The following CSMD1 variants were observed in gnomAD, a reference collection of about 807,000 sequenced individuals.
The protein encoded by CSMD1 is CUB and Sushi multiple domains 1.
Under a neutral mutation model 417.5 loss-of-function variants are expected in CSMD1, and 213 were observed. The ratio of observed to expected loss-of-function variants is 0.51; its 90% CI spans 0.46 to 0.57. The LOEUF is 0.57. CSMD1 is among the 20% of genes least tolerant of loss of function. The probability of loss-of-function intolerance (pLI) is 0.00; values close to 1 mark genes in which losing one functional copy is unlikely to be tolerated. For missense variants in CSMD1, 6,923 were observed against 4,529.7 expected (o/e 1.53, Z -15.17); for synonymous variants, 2,862 against 1,736.8 (o/e 1.65, Z -16.11).
At chr8:3,781,906 G>A (rs41388248) in intron 5 of CSMD1, among the ~76,000 whole-genome samples, 3,323 of 151,712 alleles carry the variant, frequency 0.022, 167 homozygotes, top group East Asian at 0.14. Context: ...TCTAATTTTG[G>A]TAGACCCATT....
intron 23 of CSMD1, among the ~76,000 whole-genome samples, chr8:3,312,779 G>C (rs1002588908): frequency 3.4e-5 from 5 of 148,418 alleles, no homozygotes; most frequent in Non-Finnish European, 7.4e-5. Flanking sequence ...GCCATAGCAT[G>C]TCAGCATCTC....
intron 3 of CSMD1, among the ~76,000 whole-genome samples, chr8:4,314,355 A>G (rs1218001360): frequency 6.6e-6 from 1 of 152,212 alleles, no homozygotes; most frequent in Non-Finnish European, 1.5e-5. Flanking sequence ...CTGCCATAGA[A>G]CATTTCCTAC....
intron 41 of CSMD1, among the ~76,000 whole-genome samples, chr8:3,122,813 A>AG (rs1207894451): frequency 6.6e-6 from 1 of 152,154 alleles, no homozygotes; most frequent in Non-Finnish European, 1.5e-5. Context: ...AGTCTTGGGT[A>AG]GGTCTTTATC....
intron 39 of CSMD1, among the ~76,000 whole-genome samples, chr8:3,155,359 A>ATTGTTTTTTTTTTTTTTTTTTTT (rs1819453576): frequency 2.3e-5 from 1 of 43,316 alleles, no homozygotes; most frequent in African/African-American, 7.0e-5. Flanking sequence ...CAAGGCTGGG[A>ATTGTTTTTTTTTTTTTTTTTTTT]TTTTTTTTTT....
intron 10 of CSMD1, among the ~76,000 whole-genome samples, chr8:3,560,457 G>C (rs890506370): frequency 7.2e-5 from 11 of 152,144 alleles, no homozygotes; most frequent in Admixed American, 7.2e-4. Context: ...TCCCAGGTCT[G>C]TGAACTCCAG....
At chr8:3,643,820 G>A (rs926213044) in intron 7 of CSMD1, among the ~76,000 whole-genome samples, 4 of 151,966 alleles carry the variant, frequency 2.6e-5, no homozygotes, top group Non-Finnish European at 4.4e-5. Flanking sequence ...CAAACCACAG[G>A]GTTAAGTTAA....
chr8:4,252,027 G>A (rs1013188042), intron 3 of CSMD1, among the ~76,000 whole-genome samples: 1 of 152,084 alleles, frequency 6.6e-6, no homozygotes, highest in African/African-American at 2.4e-5. Context: ...TTTGAGTTGT[G>A]TTTACTTGAA....
intron 1 of CSMD1, among the ~76,000 whole-genome samples, chr8:4,781,230 G>A (rs942676807): frequency 6.6e-6 from 1 of 152,172 alleles, no homozygotes; most frequent in Non-Finnish European, 1.5e-5. Flanking sequence ...ATGTGGTGAG[G>A]CACAATGGCT....
chr8:4,020,799 G>A (rs540790169), intron 4 of CSMD1, among the ~76,000 whole-genome samples: 1 of 152,272 alleles, frequency 6.6e-6, no homozygotes, highest in East Asian at 1.9e-4. Flanking sequence ...GATTTCTTTT[G>A]AGAAAACTTT....
intron 7 of CSMD1, chr8:3,704,722 A>C (rs1801068556): frequency 6.6e-6 from 1 of 152,194 alleles, no homozygotes; most frequent in South Asian, 2.1e-4. Context: ...ATAACACCTT[A>C]GACAACCAGA....
At chr8:3,142,132 C>T (rs983646898) in intron 41 of CSMD1, among the ~76,000 whole-genome samples, 1 of 152,176 alleles carries the variant, frequency 6.6e-6, no homozygotes, top group Admixed American at 6.6e-5. Flanking sequence ...TCCCTGAATG[C>T]TGGGGAGACT....
At chr8:4,968,835 G>T (rs1810052195) in intron 1 of CSMD1, among the ~76,000 whole-genome samples, 1 of 152,072 alleles carries the variant, frequency 6.6e-6, no homozygotes, top group Non-Finnish European at 1.5e-5. Context: ...CCAACCAGAA[G>T]ATTAGGATCT....
At chr8:3,639,689 G>T (rs1213348512) in intron 7 of CSMD1, among the ~76,000 whole-genome samples, 1 of 152,004 alleles carries the variant, frequency 6.6e-6, no homozygotes, top group Non-Finnish European at 1.5e-5. Flanking sequence ...AAACCCTAAG[G>T]CACTACGTAA....
intron 10 of CSMD1, among the ~76,000 whole-genome samples, chr8:3,545,123 T>A (rs1477374459): frequency 6.6e-6 from 1 of 152,148 alleles, no homozygotes; most frequent in African/African-American, 2.4e-5. Context: ...AAGCAGATCG[T>A]CTCTCTCTTT....
chr8:3,806,180 G>T (rs1311022612), intron 5 of CSMD1, among the ~76,000 whole-genome samples: 1 of 152,104 alleles, frequency 6.6e-6, no homozygotes, highest in Non-Finnish European at 1.5e-5. Flanking sequence ...GATACCTTGG[G>T]TCGTCCATTC....
At chr8:3,502,048 T>A (rs76317359) in intron 10 of CSMD1, among the ~76,000 whole-genome samples, 1 of 152,122 alleles carries the variant, frequency 6.6e-6, no homozygotes, top group African/African-American at 2.4e-5. Flanking sequence ...GCTTATCAAA[T>A]AATGAAATAA....
chr8:4,352,425 C>G (rs992369356), intron 3 of CSMD1, among the ~76,000 whole-genome samples: 1 of 152,144 alleles, frequency 6.6e-6, no homozygotes, highest in Non-Finnish European at 1.5e-5. Context: ...ATAAATATTT[C>G]CTTTTCAACT....
intron 1 of CSMD1, among the ~76,000 whole-genome samples, chr8:4,905,566 TC>T (rs1805189542): frequency 1.3e-5 from 2 of 152,038 alleles, no homozygotes; most frequent in Admixed American, 6.5e-5. Context: ...ACATCTGTAA[TC>T]CCAGCACTTT....
chr8:4,515,583 C>T (rs981916120), intron 2 of CSMD1, among the ~76,000 whole-genome samples: 1 of 152,178 alleles, frequency 6.6e-6, no homozygotes, highest in Admixed American at 6.5e-5. Context: ...TCTGGATATA[C>T]TTGCCTTACA....
Sources: gnomAD v4.1 joint callset for allele counts (sites outside exome capture counted in the v4.1 genomes callset) on GRCh38, gnomAD v4.1.1 for gene constraint, MANE v1.5 for transcripts, NCBI Gene and HGNC (gene_info 2026-07-23, HGNC 2026-07-21) for gene names.